The following CMIP variants were observed in gnomAD, a reference collection of about 807,000 sequenced individuals.
The protein encoded by CMIP is c-Maf inducing protein.
A neutral mutation model predicts 97.3 loss-of-function variants in CMIP; 13 were observed. That is an observed-to-expected ratio of 0.13 (90% CI 0.09 to 0.21). The LOEUF is 0.21. Ranked by LOEUF, CMIP falls within the 10% of genes least tolerant of loss-of-function variation. The probability of loss-of-function intolerance (pLI) is 1.00; values close to 1 mark genes in which losing one functional copy is unlikely to be tolerated. For synonymous variants in CMIP, 538 were observed against 436.3 expected (o/e 1.23, Z -2.91); for missense variants, 847 against 1,024.9 (o/e 0.83, Z 2.37).
At position 81,669,698 on chromosome 16, in the gene CMIP, ATTCACCT is replaced by A. The variant is rs1335692939; in HGVS notation, c.826-443_826-437del. ...TCACCTCCTTCCACACCCACCTCAC[ATTCACCT>A]CCTCCCATACCCACCTCACACTCAC... is the stretch of plus-strand genomic sequence containing the variant. On this transcript the variant is annotated intron_variant, in intron 7 of 20. Coordinates refer to ENST00000537098, the MANE Select transcript of CMIP (RefSeq NM_198390.3). 4.7e-5 allele frequency among the ~76,000 whole-genome samples: 4 copies of A among 85,066 alleles called. No individual in the cohort carries two copies. In the East Asian group the frequency reaches 2.6e-3, roughly 55 times the overall value. The allele number at this position is 85,066 out of a possible 152,430, so 55.8% of individuals were successfully genotyped here.
At chr16:81,500,376 TTCCTC>T (rs2089584267) in intron 1 of CMIP, among the ~76,000 whole-genome samples, 3 of 108,324 alleles carry the variant, frequency 2.8e-5, no homozygotes, top group Non-Finnish European at 5.7e-5. Flanking sequence ...CCTCTCTCCT[TTCCTC>T]CCTTCCTCCT....
intron 3 of CMIP, among the ~76,000 whole-genome samples, chr16:81,643,558 G>A (rs1205626616): frequency 2.0e-5 from 3 of 152,192 alleles, no homozygotes; most frequent in Non-Finnish European, 4.4e-5. Flanking sequence ...AGGAGGCCAA[G>A]GCGGGCAGAT....
rs1442360426 is a variant in CMIP at position 81,701,756 on chromosome 16, A to G, written c.1852A>G (p.Met618Val). 1 of 1,613,844 alleles carries G rather than the reference A, an allele frequency of 6.2e-7. No individual in the cohort carries two copies. Among genetic ancestry groups the G allele is most frequent in the Non-Finnish European group, 8.5e-7 (1 of 1,179,878 alleles). The change falls in exon 16 of 21, where the codon ATG becomes GTG. Residue 618 changes from methionine to valine, a missense_variant. Transcript: ENST00000537098. ...TLESTDVGKR[M>V]YEQLCDRQRE... ...GGAGAGCACAGACGTGGGGAAGCGC[A>G]TGTACGAGCAGCTGTGTGACCGGCA...
At chr16:81,701,633 G>T in intron 15 of CMIP, 27 bp from the exon 16 acceptor site, 1 of 1,613,640 alleles carries the variant, frequency 6.2e-7, no homozygotes, top group Non-Finnish European at 8.5e-7. Flanking sequence ...GGCCGGGTCC[G>T]TAATGCACCC....
chr16:81,682,321 T>C (rs560702684), intron 10 of CMIP, among the ~76,000 whole-genome samples: 2 of 152,202 alleles, frequency 1.3e-5, no homozygotes, highest in African/African-American at 2.4e-5. Context: ...TCCCAGCACT[T>C]TGGGAGGCCA....
At chr16:81,675,857 T>G (rs999110739) in intron 9 of CMIP, among the ~76,000 whole-genome samples, 8 of 152,164 alleles carry the variant, frequency 5.3e-5, no homozygotes, top group Non-Finnish European at 1.2e-4. Flanking sequence ...ATTCAGCAGG[T>G]CTGGGGCGGG....
At chr16:81,533,783 T>G (rs1243576607) in intron 1 of CMIP, 1 of 152,176 alleles carries the variant, frequency 6.6e-6, no homozygotes, top group Non-Finnish European at 1.5e-5. Context: ...CTGGCCTATG[T>G]GCTTTATTTT....
In CMIP at chr16:81,453,199, G is replaced by A. The variant is rs949411130; in HGVS notation, c.300+7658G>A. Among the ~76,000 whole-genome samples, 1 of 152,212 alleles carries A rather than the reference G, an allele frequency of 6.6e-6. No homozygotes were observed. Among genetic ancestry groups the A allele is most frequent in the Non-Finnish European group, 1.5e-5 (1 of 68,046 alleles). ...CTTCCCATGGCATCCTTTGTTCGTG[G>A]CTCTACTGCTTTCAAGCTACTGTCA... On this transcript the variant is annotated intron_variant, in intron 1 of 20. Coordinates refer to ENST00000537098, the MANE Select transcript of CMIP (RefSeq NM_198390.3). This position sits in a 1 kb window ranked among gnomAD's most constrained non-coding sequence, Gnocchi z 4.0.
At position 81,533,032 on chromosome 16, in the gene CMIP, C is replaced by T. The variant is rs149562486; in HGVS notation, c.301-74535C>T. ...ACGCTCCCTCGCTTCCCTCCTGTCT[C>T]CTGTCAGAAGTCACCTCCTTGGGCT... On this transcript the variant is annotated intron_variant, in intron 1 of 20. Coordinates refer to ENST00000537098, the MANE Select transcript of CMIP (RefSeq NM_198390.3). Among the ~76,000 whole-genome samples the T allele has an allele frequency of 1.2e-4, 18 of 152,272 alleles. No individual in the cohort carries two copies. The East Asian group carries it at 3.3e-3, about 28-fold the overall frequency.
Position 81,614,750 on chromosome 16 carries a change from T to A in CMIP, c.427-6126T>A, listed in dbSNP as rs1260573804. Among the ~76,000 whole-genome samples the A allele has an allele frequency of 6.6e-6, 1 of 151,766 alleles. No individual in the cohort carries two copies. The highest frequency in any genetic ancestry group is 1.5e-5 in the Non-Finnish European group (1 of 67,958). On this transcript the variant is annotated intron_variant, in intron 2 of 20. Coordinates refer to ENST00000537098, the MANE Select transcript of CMIP (RefSeq NM_198390.3). This position sits in a 1 kb window ranked among gnomAD's most constrained non-coding sequence, Gnocchi z 5.3. Reference sequence around the variant, plus strand: ...ACATGTGTGTCTCTGTGAGTGTGTATGTGTCTATGTCTGTGGTGTGTGTGG... The same window carrying A: ...ACATGTGTGTCTCTGTGAGTGTGTAAGTGTCTATGTCTGTGGTGTGTGTGG...
At position 81,646,350 on chromosome 16, in the gene CMIP, A is replaced by G. The variant is rs897355938; in HGVS notation, c.478-5853A>G. Among the ~76,000 whole-genome samples, 12 of 151,956 alleles carry G rather than the reference A, an allele frequency of 7.9e-5. 1 individual carries two copies. The highest frequency in any genetic ancestry group is 1.8e-4 in the Non-Finnish European group (12 of 67,984). On this transcript the variant is annotated intron_variant, in intron 3 of 20. Transcript: ENST00000537098. ...GGGTGAGTAGATGATGGATGGGTGG[A>G]TGGATGAAGTAGAGCTTAGATTTGA...
chr16:81,631,673 C>G (rs2092161435), intron 3 of CMIP: 1 of 152,284 alleles, frequency 6.6e-6, no homozygotes, highest in Non-Finnish European at 1.5e-5. Context: ...ATTCACTTTG[C>G]TGGGTGGTGT....
intron 2 of CMIP, among the ~76,000 whole-genome samples, chr16:81,615,241 GTC>G (rs1369467209): frequency 2.8e-5 from 4 of 143,460 alleles, no homozygotes; most frequent in Admixed American, 7.1e-5. Context: ...GTGTATGTGT[GTC>G]TGTGTGTGTG....
intron 1 of CMIP, among the ~76,000 whole-genome samples, chr16:81,476,775 A>G (rs1340364137): frequency 2.6e-5 from 4 of 152,198 alleles, no homozygotes; most frequent in Admixed American, 6.5e-5. Context: ...GAACATCTTC[A>G]TAGATAATCT....
intron 13 of CMIP, among the ~76,000 whole-genome samples, chr16:81,694,659 C>T (rs1209437864): frequency 5.3e-5 from 8 of 152,318 alleles, no homozygotes; most frequent in East Asian, 3.9e-4. Context: ...CCCCTGCCGC[C>T]GCATCCCTTC....
chr16:81,683,999 G>C (rs1905142979), intron 10 of CMIP, among the ~76,000 whole-genome samples: 1 of 152,004 alleles, frequency 6.6e-6, no homozygotes, highest in African/African-American at 2.4e-5. Flanking sequence ...GACCTCAAGT[G>C]ATCTGCCCAC....
At chr16:81,448,815 C>G (rs1906028142) in intron 1 of CMIP, among the ~76,000 whole-genome samples, 2 of 152,256 alleles carry the variant, frequency 1.3e-5, no homozygotes, top group African/African-American at 4.8e-5. Flanking sequence ...GGACCCAGGA[C>G]TGCACCTTTG....
intron 10 of CMIP, among the ~76,000 whole-genome samples, chr16:81,687,824 A>G (rs1905581712): frequency 6.6e-6 from 1 of 152,176 alleles, no homozygotes; most frequent in Non-Finnish European, 1.5e-5. Flanking sequence ...GTGGTCGGGA[A>G]GCAGCCTGTT....
In CMIP at chr16:81,562,780, TA is replaced by T. The variant is rs112727631; in HGVS notation, c.301-44786del. ...ATACCCATCCAGTGAGGGACGTAAA[TA>T]TTTTTTTTCATTTTTCAAATGTGGA... On this transcript the variant is annotated intron_variant, in intron 1 of 20. Transcript: ENST00000537098. Among the ~76,000 whole-genome samples the T allele has an allele frequency of 1.7e-3, 258 of 152,168 alleles. 1 individual carries two copies. The highest frequency in any genetic ancestry group is 5.3e-3 in the African/African-American group (221 of 41,428).
Sources: allele counts gnomAD v4.1 joint callset (sites outside exome capture counted in the v4.1 genomes callset), GRCh38; gene constraint gnomAD v4.1.1; non-coding constraint Gnocchi (gnomAD v3.1); transcripts MANE v1.5; gene names NCBI Gene and HGNC (gene_info 2026-07-23, HGNC 2026-07-21).